WDR47: variants seen among roughly 807,000 people sequenced by gnomAD.
The protein encoded by WDR47 is WD repeat domain 47, also known as WD repeat-containing protein 47.
A neutral mutation model predicts 97.2 loss-of-function variants in WDR47; 32 were observed. The ratio of observed to expected loss-of-function variants is 0.33; its 90% CI spans 0.25 to 0.44. The LOEUF (loss-of-function observed/expected upper bound fraction) is 0.44, where lower values mean the gene tolerates loss of function less well. WDR47 is among the 20% of genes least tolerant of loss of function. The pLI, the probability that WDR47 is intolerant of heterozygous loss-of-function variation, is 1.00. For missense variants in WDR47, 782 were observed against 1,102.3 expected (o/e 0.71, Z 4.11); for synonymous variants, 375 against 373.5 (o/e 1.00, Z -0.05).
In WDR47 at chr1:109,004,719, C is replaced by T. The variant is rs758840482; in HGVS notation, c.1131-4G>A. ...CTGTGCATCAACAGGTGTATCACTT[C>T]TTCCAGAAACGTGCAAAAAAACAAA... On this transcript the variant is annotated splice_region_variant and splice_polypyrimidine_tract_variant and intron_variant, in intron 5 of 14. Transcript: ENST00000369962. 1 of 1,579,804 alleles carries T rather than the reference C, an allele frequency of 6.3e-7. No homozygotes were observed. Among genetic ancestry groups the T allele is most frequent in the East Asian group, 2.3e-5 (1 of 43,774 alleles).
chr1:108,971,669 A>G, intron 14 of WDR47, 97 bp from the exon 15 acceptor site: 1 of 1,318,912 alleles, frequency 7.6e-7, no homozygotes, highest in Non-Finnish European at 1.0e-6. Flanking sequence ...AGTATAAAAA[A>G]TCTTAAACTA....
Position 108,971,411 on chromosome 1 carries a change from G to C in WDR47, c.*19C>G. ...TAAGTCTCTGTGCTTTTGCTGCATA[G>C]ACTGACATGCGGTGTGCTCTACCCA... On this transcript the variant is annotated 3_prime_UTR_variant, in exon 15 of 15. Coordinates refer to ENST00000369962, the MANE Select transcript of WDR47 (RefSeq NM_001142551.2). The C allele has an allele frequency of 6.2e-7, 1 of 1,613,542 alleles. No homozygotes were observed. The highest frequency in any genetic ancestry group is 8.5e-7 in the Non-Finnish European group (1 of 1,179,762).
chr1:109,000,929 A>G (rs920120082), intron 7 of WDR47, among the ~76,000 whole-genome samples: 1 of 152,230 alleles, frequency 6.6e-6, no homozygotes. Context: ...GCACATTTGC[A>G]TATATTAATT....
chr1:109,009,946 C>A (rs12410645), intron 5 of WDR47, among the ~76,000 whole-genome samples: 1 of 151,560 alleles, frequency 6.6e-6, no homozygotes. Context: ...TGCAGTGAGC[C>A]GAGACCGTGC....
rs1285066223 is a variant in WDR47 at position 108,971,094 on chromosome 1, T to C, written c.*336A>G. On this transcript the variant is annotated 3_prime_UTR_variant, in exon 15 of 15. Transcript: ENST00000369962. ...TTTCAATGTGCATATAAAACTGTTATTTAGGCAAAGACCAAGGAATGCATT... is the reference window on the plus strand; with the variant it reads ...TTTCAATGTGCATATAAAACTGTTACTTAGGCAAAGACCAAGGAATGCATT... 2 of 201,290 alleles carry C rather than the reference T, an allele frequency of 9.9e-6. No individual in the cohort carries two copies. The highest frequency in any genetic ancestry group is 1.2e-4 in the East Asian group (1 of 8,582). The allele number at this position is 201,290 out of a possible 1,614,324, so 12.5% of individuals were successfully genotyped here. A position where few individuals can be genotyped will look rare whatever the true frequency, so the allele number is the denominator to read the frequency against.
At chr1:109,032,527 T>C (rs914223928) in intron 1 of WDR47, among the ~76,000 whole-genome samples, 3 of 89,640 alleles carry the variant, frequency 3.3e-5, no homozygotes, top group Non-Finnish European at 5.3e-5. Context: ...AAAAAGATTT[T>C]CTTACTCAAG....
At chr1:108,974,480 T>TA in intron 14 of WDR47, 56 bp downstream of exon 14, 2 of 1,448,964 alleles carry the variant, frequency 1.4e-6, no homozygotes. Context: ...AACAAAAAAA[T>TA]AAAGGTCCCA....
chr1:109,039,071 C>T (rs894770026), intron 1 of WDR47, among the ~76,000 whole-genome samples: 5 of 152,032 alleles, frequency 3.3e-5, no homozygotes, highest in African/African-American at 1.2e-4. Context: ...GAAGAAACTC[C>T]TACTTGTGAT....
chr1:109,006,803 T>A (rs1660658549), intron 5 of WDR47, among the ~76,000 whole-genome samples: 1 of 152,232 alleles, frequency 6.6e-6, no homozygotes, highest in Admixed American at 6.5e-5. Flanking sequence ...TTCTCCATTT[T>A]AAGTGTCTCT....
chr1:108,971,434 C>T lies in WDR47; in HGVS notation c.2756G>A (p.Gly919Glu). 6.2e-7 allele frequency: 1 copy of T among 1,614,070 alleles called. No homozygotes were observed. The highest frequency in any genetic ancestry group is 8.5e-7 in the Non-Finnish European group (1 of 1,180,000). ...TAGACTGACATGCGGTGTGCTCTAC[C>T]CATTGTAAGTCCAGAGGGTGACAGT... ...DRTVTLWTYN[G>E] Residue 919 changes from glycine to glutamate, a missense_variant, in exon 15 of 15, where the codon GGG becomes GAG. This residue lies in a region of WDR47 where 228 missense variants were observed against 396.7 expected (regional missense o/e 0.57). Transcript: ENST00000369962.
Position 109,001,408 on chromosome 1 carries a change from C to T in WDR47, c.1433+816G>A, listed in dbSNP as rs142213387. On this transcript the variant is annotated intron_variant, in intron 7 of 14. Coordinates refer to ENST00000369962, the MANE Select transcript of WDR47 (RefSeq NM_001142551.2). ...ATAAATGTAGTTCATATTGTTTTGGCGGAAATTATAAAAATAATTTTAATA... is the reference window on the plus strand; with the variant it reads ...ATAAATGTAGTTCATATTGTTTTGGTGGAAATTATAAAAATAATTTTAATA... Among the ~76,000 whole-genome samples the T allele has an allele frequency of 4.5e-3, 680 of 151,904 alleles. 3 individuals are homozygous for T. The highest frequency in any genetic ancestry group is 7.3e-3 in the Non-Finnish European group (496 of 67,954).
At chr1:109,016,395 CTG>C (rs1661419463) in intron 3 of WDR47, among the ~76,000 whole-genome samples, 1 of 151,944 alleles carries the variant, frequency 6.6e-6, no homozygotes, top group African/African-American at 2.4e-5. Flanking sequence ...GAATGAGACC[CTG>C]TCTCAAAAAA....
chr1:109,026,938 C>T (rs1234778605), intron 1 of WDR47, among the ~76,000 whole-genome samples: 1 of 151,836 alleles, frequency 6.6e-6, no homozygotes, highest in Admixed American at 6.6e-5. Flanking sequence ...GAAAATATGT[C>T]CTAATTAACT....
chr1:108,981,848 A>C lies in WDR47; in HGVS notation c.2283T>G (p.Leu761=). ...LSGHTGHILA[L]YTWSGWMIAS... is the part of the protein sequence containing the mutation. The stretch of plus-strand genomic sequence containing the variant: ...CAATCATCCAGCCACTCCAGGTATA[A>C]AGTGCTAAAATATGCCCTATAAAAG... The change falls in exon 13 of 15, where the codon CTT becomes CTG. Residue 761 remains leucine (L), a synonymous_variant. Transcript: ENST00000369962. 6.2e-7 allele frequency: 1 copy of C among 1,613,184 alleles called. No homozygotes were observed. The highest frequency in any genetic ancestry group is 8.5e-7 in the Non-Finnish European group (1 of 1,179,580).
intron 8 of WDR47, chr1:108,992,494 G>A (rs555196788): frequency 2.8e-5 from 43 of 1,519,878 alleles, no homozygotes; most frequent in Admixed American, 1.5e-4. Context: ...GCAGGTGTGC[G>A]CAGGCCAAGC....
At chr1:108,993,989 A>T (rs1659560645) in intron 8 of WDR47, among the ~76,000 whole-genome samples, 5 of 152,236 alleles carry the variant, frequency 3.3e-5, no homozygotes, top group African/African-American at 1.2e-4. Flanking sequence ...ACTGATTTAA[A>T]CAAAATCACA....
intron 2 of WDR47, 32 bp downstream of exon 2, chr1:109,023,323 G>A: frequency 6.3e-7 from 1 of 1,595,524 alleles, no homozygotes; most frequent in South Asian, 1.1e-5. Flanking sequence ...CTTCGAAGGA[G>A]CTACAAACTT....
At chr1:108,977,130 T>C (rs1657963650) in intron 13 of WDR47, among the ~76,000 whole-genome samples, 1 of 152,130 alleles carries the variant, frequency 6.6e-6, no homozygotes, top group Admixed American at 6.6e-5. Flanking sequence ...GTGGTAGCAA[T>C]AAACAGGAAA....
At chr1:109,025,427 C>T (rs1557959354) in intron 1 of WDR47, among the ~76,000 whole-genome samples, 1 of 54,086 alleles carries the variant, frequency 1.8e-5, no homozygotes, top group Non-Finnish European at 3.4e-5. Context: ...TGAGACTCTG[C>T]CTCAAAAAAA....
Sources: allele counts gnomAD v4.1 joint callset (sites outside exome capture counted in the v4.1 genomes callset), GRCh38; gene constraint gnomAD v4.1.1; regional missense constraint gnomAD v4.1.1; transcripts MANE v1.5; gene names NCBI Gene and HGNC (gene_info 2026-07-23, HGNC 2026-07-21).